The following KIRREL3 variants were observed in gnomAD, a reference collection of about 807,000 sequenced individuals.
KIRREL3 encodes kin of IRRE-like protein 3.
In KIRREL3, 36 loss-of-function variants were observed where a neutral mutation model predicts 89.7. The ratio of observed to expected loss-of-function variants is 0.40; its 90% CI spans 0.31 to 0.53. KIRREL3 has a LOEUF of 0.53. Among genes scored for constraint, KIRREL3 ranks in the 20% least tolerant of loss-of-function variants. The pLI is 0.49. For missense variants in KIRREL3, 864 were observed against 1,056.6 expected, an observed-to-expected ratio of 0.82 and a Z score of 2.53; for synonymous variants, 445 against 441.4, an observed-to-expected ratio of 1.01 and a Z score of -0.10.
chr11:126,836,332 A>G (rs1436335199), intron 1 of KIRREL3, among the ~76,000 whole-genome samples: 5 of 152,166 alleles, frequency 3.3e-5, no homozygotes, highest in Non-Finnish European at 7.3e-5. Flanking sequence ...AAACTACTCA[A>G]TCTGATACCT....
chr11:126,758,043 A>G (rs1264027225), intron 1 of KIRREL3, among the ~76,000 whole-genome samples: 1 of 152,232 alleles, frequency 6.6e-6, no homozygotes, highest in South Asian at 2.1e-4. Flanking sequence ...CTGATTCCCT[A>G]ATTAGCCAGA....
In KIRREL3 at chr11:126,998,125, G is replaced by C. The variant is rs185467445; in HGVS notation, c.55+2330C>G. ...CTATCCAATAAGTTGATGAATGCATGACACTGGGTAGAGGTGGGGCACAGT... is the reference window on the plus strand; with the variant it reads ...CTATCCAATAAGTTGATGAATGCATCACACTGGGTAGAGGTGGGGCACAGT... On this transcript the variant is annotated intron_variant, in intron 1 of 16. Coordinates refer to ENST00000525144, the MANE Select transcript of KIRREL3 (RefSeq NM_032531.4). Among the ~76,000 whole-genome samples, 464 of 152,324 alleles carry C rather than the reference G, an allele frequency of 3.0e-3. 1 individual carries two copies. Among genetic ancestry groups the C allele is most frequent in the African/African-American group, 9.1e-3 (377 of 41,586 alleles).
rs531152480 is a variant in KIRREL3, at chr11:126,441,853, G to A, written c.1253-1304C>T. On this transcript the variant is annotated intron_variant, in intron 10 of 16. Transcript: ENST00000525144. The surrounding 1 kb of genome is among the most constrained non-coding windows in gnomAD (Gnocchi z 5.0). ...CCATGGCTTTAAGAATGGGCTGAGCGCTGCCCTCCTTCCTAAAAATCCTTC... is the reference window on the plus strand; with the variant it reads ...CCATGGCTTTAAGAATGGGCTGAGCACTGCCCTCCTTCCTAAAAATCCTTC... Among the ~76,000 whole-genome samples, 7 of 152,292 alleles carry A rather than the reference G, an allele frequency of 4.6e-5. No homozygotes were observed. The highest frequency in any genetic ancestry group is 3.9e-4 in the East Asian group (2 of 5,176).
At position 126,513,945 on chromosome 11, in the gene KIRREL3, C is replaced by A. The variant is rs764805613; in HGVS notation, c.433+7370G>T. 2.6e-5 allele frequency among the ~76,000 whole-genome samples: 4 copies of A among 152,124 alleles called. No homozygotes were observed. The highest frequency in any genetic ancestry group is 4.4e-5 in the Non-Finnish European group (3 of 68,024). On this transcript the variant is annotated intron_variant, in intron 4 of 16. Coordinates refer to ENST00000525144, the MANE Select transcript of KIRREL3 (RefSeq NM_032531.4). This position sits in a 1 kb window ranked among gnomAD's most constrained non-coding sequence, Gnocchi z 5.9. Reference sequence around the variant, plus strand: ...TGTCAGCCTCAGATACCCTTCATGGCCCCCAGCTCTGCTCACTTTATCACC... The same window carrying A: ...TGTCAGCCTCAGATACCCTTCATGGACCCCAGCTCTGCTCACTTTATCACC...
chr11:126,826,277 G>A (rs755339992), intron 1 of KIRREL3, among the ~76,000 whole-genome samples: 6 of 152,052 alleles, frequency 3.9e-5, no homozygotes, highest in Non-Finnish European at 7.3e-5. Flanking sequence ...CTGTCTGTCC[G>A]GAAAAATTTA....
At chr11:126,445,670 C>T (rs1007685938) in intron 9 of KIRREL3, among the ~76,000 whole-genome samples, 9 of 152,204 alleles carry the variant, frequency 5.9e-5, no homozygotes, top group African/African-American at 2.2e-4. Context: ...TACTTATCTT[C>T]TCAGACGCTC....
intron 4 of KIRREL3, among the ~76,000 whole-genome samples, chr11:126,505,376 C>T (rs1957987831): frequency 6.6e-6 from 1 of 152,130 alleles, no homozygotes; most frequent in African/African-American, 2.4e-5. Context: ...TCGAGACCAG[C>T]CTGGCCAACA....
At chr11:126,952,229 T>C (rs1035146960) in intron 1 of KIRREL3, among the ~76,000 whole-genome samples, 1 of 152,060 alleles carries the variant, frequency 6.6e-6, no homozygotes, top group Non-Finnish European at 1.5e-5. Context: ...CTACCAAAAA[T>C]ACAAAAATCA....
chr11:126,840,959 AG>A (rs1943945615), intron 1 of KIRREL3, among the ~76,000 whole-genome samples: 1 of 152,248 alleles, frequency 6.6e-6, no homozygotes, highest in Admixed American at 6.5e-5. Context: ...TTATACACTC[AG>A]GTTGCTAACA....
In KIRREL3 at chr11:126,578,182, A is replaced by G. The variant is rs1245157794; in HGVS notation, c.56-15270T>C. ...CTTCCACCCAACTACTGAGAAGTTTAACAGACAATCTTTTCTTTTCCAAAA... is the reference window on the plus strand; with the variant it reads ...CTTCCACCCAACTACTGAGAAGTTTGACAGACAATCTTTTCTTTTCCAAAA... On this transcript the variant is annotated intron_variant, in intron 1 of 16. Transcript: ENST00000525144. The surrounding 1 kb of genome is among the most constrained non-coding windows in gnomAD (Gnocchi z 4.9). Among the ~76,000 whole-genome samples the G allele has an allele frequency of 6.6e-6, 1 of 152,228 alleles. No homozygotes were observed. The highest frequency in any genetic ancestry group is 1.9e-4 in the East Asian group (1 of 5,196).
rs1348846951 is a variant in KIRREL3 at position 126,689,400 on chromosome 11, T to G, written c.56-126488A>C. Reference sequence around the variant, plus strand: ...GAGTCCCCATCCTTGCATCTCATGATCTATCATTTAACAGCCCTGTCCAAA... The same window carrying G: ...GAGTCCCCATCCTTGCATCTCATGAGCTATCATTTAACAGCCCTGTCCAAA... On this transcript the variant is annotated intron_variant, in intron 1 of 16. Coordinates refer to ENST00000525144, the MANE Select transcript of KIRREL3 (RefSeq NM_032531.4). This position sits in a 1 kb window ranked among gnomAD's most constrained non-coding sequence, Gnocchi z 5.2. 1.3e-5 allele frequency among the ~76,000 whole-genome samples: 2 copies of G among 152,170 alleles called. No homozygotes were observed. The highest frequency in any genetic ancestry group is 2.4e-5 in the African/African-American group (1 of 41,450).
intron 5 of KIRREL3, among the ~76,000 whole-genome samples, chr11:126,465,689 C>T (rs1018812024): frequency 5.9e-5 from 9 of 152,174 alleles, no homozygotes; most frequent in Non-Finnish European, 1.2e-4. Context: ...GTGCCAGCCA[C>T]GGCCCTGGGC....
chr11:126,937,891 T>C (rs1367946914), intron 1 of KIRREL3, among the ~76,000 whole-genome samples: 1 of 151,990 alleles, frequency 6.6e-6, no homozygotes, highest in African/African-American at 2.4e-5. Flanking sequence ...AGAGCGAGAC[T>C]CCGTCCCACA....
At chr11:126,926,273 C>T (rs150835040) in intron 1 of KIRREL3, among the ~76,000 whole-genome samples, 14 of 152,348 alleles carry the variant, frequency 9.2e-5, no homozygotes, top group African/African-American at 3.4e-4. Context: ...TGCAGCGATT[C>T]AGTTCCTTCT....
At chr11:126,982,491 C>T (rs905895030) in intron 1 of KIRREL3, among the ~76,000 whole-genome samples, 1 of 152,332 alleles carries the variant, frequency 6.6e-6, no homozygotes. Flanking sequence ...CTTTAAAGTA[C>T]ATTAACTGAA....
intron 1 of KIRREL3, among the ~76,000 whole-genome samples, chr11:126,581,425 CT>C (rs560418404): frequency 2.3e-3 from 354 of 152,274 alleles, no homozygotes; most frequent in Admixed American, 5.8e-3. Flanking sequence ...TGGTCATAAA[CT>C]CCTGACCTCA....
chr11:126,700,717 T>A (rs1947280776), intron 1 of KIRREL3, among the ~76,000 whole-genome samples: 1 of 152,140 alleles, frequency 6.6e-6, no homozygotes, highest in Admixed American at 6.5e-5. Context: ...GTGAGACTCA[T>A]CCCGCTATTC....
At position 126,455,396 on chromosome 11, in the gene KIRREL3, G is replaced by A. The variant is rs975283329; in HGVS notation, c.848+953C>T. ...CACATCTAAGGAGCATGTGGTTTAT[G>A]CCATGTGCTGTGCTGCATGCTGAGA... On this transcript the variant is annotated intron_variant, in intron 7 of 16. Transcript: ENST00000525144. The surrounding 1 kb of genome is among the most constrained non-coding windows in gnomAD (Gnocchi z 6.4). 3.3e-5 allele frequency among the ~76,000 whole-genome samples: 5 copies of A among 152,234 alleles called. No homozygotes were observed. The highest frequency in any genetic ancestry group is 1.2e-4 in the African/African-American group (5 of 41,460).
Position 126,471,056 on chromosome 11 carries a change from C to T in KIRREL3, c.591+2253G>A, listed in dbSNP as rs1303368904. On this transcript the variant is annotated intron_variant, in intron 5 of 16. Transcript: ENST00000525144. The surrounding 1 kb of genome is among the most constrained non-coding windows in gnomAD (Gnocchi z 5.4). ...AGGCCAACAGATCAGGAGACAACTG[C>T]CGTTGAAAAGACAGTTTGCGGCCGG... Among the ~76,000 whole-genome samples the T allele has an allele frequency of 1.3e-5, 2 of 152,118 alleles. No individual in the cohort carries two copies. Among genetic ancestry groups the T allele is most frequent in the Non-Finnish European group, 2.9e-5 (2 of 68,036 alleles).
Sources: allele counts gnomAD v4.1 joint callset (sites outside exome capture counted in the v4.1 genomes callset), GRCh38; gene constraint gnomAD v4.1.1; non-coding constraint Gnocchi (gnomAD v3.1); transcripts MANE v1.5; gene names NCBI Gene and HGNC (gene_info 2026-07-23, HGNC 2026-07-21).